Variants in PADI1 observed in about 807,000 individuals in gnomAD.
PADI1 encodes the protein protein-arginine deiminase type-1.
A neutral mutation model predicts 74.8 loss-of-function variants in PADI1; 65 were observed. The observed-to-expected ratio is 0.87, with a 90% CI of 0.71 to 1.07. The LOEUF (loss-of-function observed/expected upper bound fraction) is 1.07, where lower values mean the gene tolerates loss of function less well. PADI1 is among the 50% of genes least tolerant of loss of function. The pLI is 0.00. For synonymous variants in PADI1, 371 were observed against 336.2 expected (o/e 1.10, Z -1.13); for missense variants, 943 against 854.0 (o/e 1.10, Z -1.30).
intron 15 of PADI1, among the ~76,000 whole-genome samples, chr1:17,243,157 C>G (rs1032305350): frequency 3.3e-5 from 5 of 152,206 alleles, no homozygotes; most frequent in Admixed American, 2.6e-4. Flanking sequence ...AAGGGTCACC[C>G]CTTATGACCT....
At chr1:17,242,342 T>C (rs72909116) in intron 15 of PADI1, among the ~76,000 whole-genome samples, 8,999 of 152,336 alleles carry the variant, frequency 0.059, 302 homozygotes, top group African/African-American at 0.08. Context: ...TACAGTCCAG[T>C]AGCCACTCAG....
intron 1 of PADI1, among the ~76,000 whole-genome samples, chr1:17,215,043 T>C (rs567821429): frequency 1.3e-5 from 2 of 152,268 alleles, no homozygotes; most frequent in South Asian, 4.2e-4. Context: ...AACCAAGTCT[T>C]GAAGGCAGTG....
chr1:17,232,326 C>T (rs778058885), intron 10 of PADI1, among the ~76,000 whole-genome samples: 62 of 152,168 alleles, frequency 4.1e-4, no homozygotes, highest in Non-Finnish European at 6.9e-4. Context: ...CTGCAGTCTC[C>T]ACCTCCTGGG....
rs1352415904 is a variant in PADI1 at position 17,235,227 on chromosome 1, AAGGG to A, written c.1314-2072_1314-2069del. 7.3e-4 allele frequency among the ~76,000 whole-genome samples: 74 copies of A among 100,776 alleles called. 2 individuals carry two copies. Among genetic ancestry groups the A allele is most frequent in the Admixed American group, 1.3e-3 (12 of 9,330 alleles). 66.1% of individuals were successfully genotyped at this position (100,776 alleles called of 152,430 possible). On this transcript the variant is annotated intron_variant, in intron 11 of 15. Transcript: ENST00000375471. ...GAGGGAGGGAGGAAGGGAAGGAAGG[AAGGG>A]AGGGAGGGAGGGAGAGTGGGAGGGA...
rs780164854 is a variant in PADI1 at position 17,222,464 on chromosome 1, C to A, written c.267C>A (p.Asp89Glu). Residue 89 changes from aspartate (D) to glutamate (E), a missense_variant, in exon 2 of 16, where the codon GAC (aspartate) becomes GAA (glutamate). Transcript: ENST00000375471. ...GCACAGCCAGTAAGGAATTAAAGGA[C>A]TTCAAGGTAAGAGGCCACTTTCTCA... ...SVGTASKELK[D>E]FKVRVSYFGE... The A allele has an allele frequency of 7.4e-6, 12 of 1,612,704 alleles. No individual in the cohort carries two copies. Among genetic ancestry groups the A allele is most frequent in the Non-Finnish European group, 9.3e-6 (11 of 1,178,698 alleles).
chr1:17,214,123 T>A (rs1296591465), intron 1 of PADI1, among the ~76,000 whole-genome samples: 3 of 152,182 alleles, frequency 2.0e-5, no homozygotes, highest in African/African-American at 7.2e-5. Flanking sequence ...ATTGTAACCA[T>A]GGTGACAGCA....
intron 4 of PADI1, among the ~76,000 whole-genome samples, 186 bp from the exon 5 acceptor site, chr1:17,225,625 G>A (rs572460237): frequency 2.0e-4 from 30 of 152,306 alleles, no homozygotes; most frequent in African/African-American, 7.2e-4. Context: ...CACTGCACAA[G>A]GATGAGGTGG....
chr1:17,224,293 G>C (rs1427327286), intron 3 of PADI1, 74 bp from the exon 4 acceptor site: 2 of 1,352,116 alleles, frequency 1.5e-6, no homozygotes, highest in Non-Finnish European at 2.1e-6. Flanking sequence ...GTCAGAGTTT[G>C]CCCAACCTGG....
intron 11 of PADI1, among the ~76,000 whole-genome samples, chr1:17,233,703 T>A (rs574081947): frequency 6.6e-6 from 1 of 152,348 alleles, no homozygotes; most frequent in East Asian, 1.9e-4. Context: ...CACCTTCCTG[T>A]TTGTGGGGTT....
chr1:17,221,987 G>A (rs569146322), intron 1 of PADI1, among the ~76,000 whole-genome samples: 4 of 152,364 alleles, frequency 2.6e-5, no homozygotes, highest in Non-Finnish European at 4.4e-5. Flanking sequence ...GGCTTGGGCC[G>A]CAGTGATGTC....
intron 1 of PADI1, among the ~76,000 whole-genome samples, chr1:17,219,315 G>T (rs1262402862): frequency 6.6e-6 from 1 of 152,094 alleles, no homozygotes; most frequent in Non-Finnish European, 1.5e-5. Flanking sequence ...GCAGTGGGGG[G>T]CGAGTAGAGA....
intron 2 of PADI1, among the ~76,000 whole-genome samples, chr1:17,223,299 C>T (rs1249244161): frequency 2.0e-5 from 3 of 152,138 alleles, no homozygotes; most frequent in Non-Finnish European, 2.9e-5. Flanking sequence ...TTGCCTAAGT[C>T]GATGGAGCCG....
chr1:17,239,774 T>G lies in PADI1; in HGVS notation c.1623T>G (p.Leu541=), dbSNP rs1188575703. The change falls in exon 14 of 16, where the codon CTT becomes CTG. Residue 541 remains leucine (L), a synonymous_variant. Transcript: ENST00000375471. ...LADRHLQRDN[L]HAQKCIDWNR... The stretch of plus-strand genomic sequence containing the variant: ...ACAGACACCTCCAGAGAGACAATCT[T>G]CATGCACAGGTGAGAGGCAGGACCA... The G allele has an allele frequency of 3.7e-6, 6 of 1,612,988 alleles. No homozygotes were observed. The highest frequency in any genetic ancestry group is 5.1e-6 in the Non-Finnish European group (6 of 1,178,962).
chr1:17,239,797 C>A lies in PADI1; in HGVS notation c.1632+14C>A. 1.3e-6 allele frequency: 2 copies of A among 1,597,470 alleles called. No individual in the cohort carries two copies. The highest frequency in any genetic ancestry group is 8.6e-7 in the Non-Finnish European group (1 of 1,165,400). On this transcript the variant is annotated intron_variant, in intron 14 of 15. Coordinates refer to ENST00000375471, the MANE Select transcript of PADI1 (RefSeq NM_013358.3). The stretch of plus-strand genomic sequence containing the variant: ...CTTCATGCACAGGTGAGAGGCAGGA[C>A]CACCAGCTGCTCTAAGGGGTCCTTT...
chr1:17,239,701 C>T lies in PADI1; in HGVS notation c.1553-3C>T, dbSNP rs2072731750. ...GCTATGTACTGTCTTTCTCTTCTTG[C>T]AGGGTTAAAACACCAGGCAAAAAGA... On this transcript the variant is annotated splice_region_variant and splice_polypyrimidine_tract_variant and intron_variant, in intron 13 of 15. Coordinates refer to ENST00000375471, the MANE Select transcript of PADI1 (RefSeq NM_013358.3). 3.1e-6 allele frequency: 5 copies of T among 1,611,810 alleles called. No homozygotes were observed. Among genetic ancestry groups the T allele is most frequent in the South Asian group, 1.1e-5 (1 of 91,040 alleles).
At chr1:17,243,233 C>T (rs1038914169) in intron 15 of PADI1, among the ~76,000 whole-genome samples, 7 of 152,204 alleles carry the variant, frequency 4.6e-5, no homozygotes, top group Non-Finnish European at 1.0e-4. Flanking sequence ...GGGGAGAATT[C>T]CCATCCCCAG....
intron 10 of PADI1, among the ~76,000 whole-genome samples, chr1:17,231,185 C>T (rs1335142363): frequency 1.3e-5 from 2 of 152,194 alleles, no homozygotes; most frequent in African/African-American, 4.8e-5. Context: ...GGCACTGTCT[C>T]CTAGCTTTCC....
intron 1 of PADI1, among the ~76,000 whole-genome samples, chr1:17,210,268 T>C (rs966628129): frequency 2.4e-4 from 36 of 151,926 alleles, no homozygotes; most frequent in African/African-American, 8.4e-4. Flanking sequence ...AGTGATCCTC[T>C]GCCTTAGCCC....
intron 15 of PADI1, among the ~76,000 whole-genome samples, chr1:17,243,005 A>G (rs1241299848): frequency 2.6e-5 from 4 of 150,972 alleles, no homozygotes; most frequent in Admixed American, 1.3e-4. Context: ...GGTCCCTGCC[A>G]TGGATGAGGG....
Sources: gnomAD v4.1 joint callset for allele counts (sites outside exome capture counted in the v4.1 genomes callset) on GRCh38, gnomAD v4.1.1 for gene constraint, MANE v1.5 for transcripts, NCBI Gene and HGNC (gene_info 2026-07-23, HGNC 2026-07-21) for gene names.